PGS1: variants seen among roughly 807,000 people sequenced by gnomAD.
The protein encoded by PGS1 is CDP-diacylglycerol--glycerol-3-phosphate 3-phosphatidyltransferase, mitochondrial.
PGS1 carries 44 observed loss-of-function variants against 58.3 expected under a neutral mutation model. The ratio of observed to expected loss-of-function variants is 0.75; its 90% CI spans 0.59 to 0.97. PGS1 has a LOEUF of 0.97. PGS1 is among the 50% of genes least tolerant of loss of function. PGS1 has a pLI of 0.00. For missense variants in PGS1, 684 were observed against 731.1 expected, an observed-to-expected ratio of 0.94 and a Z score of 0.74; for synonymous variants, 330 against 311.0, an observed-to-expected ratio of 1.06 and a Z score of -0.64.
intron 1 of PGS1, among the ~76,000 whole-genome samples, chr17:78,389,312 A>C (rs2082641051): frequency 1.3e-5 from 2 of 151,684 alleles, no homozygotes; most frequent in African/African-American, 4.9e-5. Flanking sequence ...CAGCCTCCTG[A>C]GTAGCTGGGA....
intron 2 of PGS1, among the ~76,000 whole-genome samples, chr17:78,393,063 C>CTTT (rs772201899): frequency 7.1e-6 from 1 of 141,622 alleles, no homozygotes. Context: ...GACTTCGATT[C>CTTT]TTTTTTTTTT....
chr17:78,408,739 G>A (rs2084371511), intron 7 of PGS1, among the ~76,000 whole-genome samples: 1 of 152,206 alleles, frequency 6.6e-6, no homozygotes, highest in Non-Finnish European at 1.5e-5. Flanking sequence ...GGCTGAGTGG[G>A]CATCTGGGTT....
intron 9 of PGS1, 141 bp downstream of exon 9, chr17:78,419,816 G>T (rs2085532886): frequency 6.8e-7 from 1 of 1,460,028 alleles, no homozygotes; most frequent in East Asian, 2.6e-5. Context: ...ATCTTCAGGG[G>T]TATGGCAGCT....
intron 3 of PGS1, 27 bp downstream of exon 3, chr17:78,396,412 G>T: frequency 6.5e-7 from 1 of 1,530,368 alleles, no homozygotes; most frequent in Non-Finnish European, 9.0e-7. Flanking sequence ...GATGGTTGTG[G>T]CAGCAATAGT....
chr17:78,419,981 C>T, intron 9 of PGS1: 3 of 1,173,546 alleles, frequency 2.6e-6, no homozygotes, highest in Non-Finnish European at 2.1e-6. Flanking sequence ...CCTGAAGAAG[C>T]CCTGGGGCAA....
At chr17:78,402,510 C>T (rs2083768644) in intron 6 of PGS1, among the ~76,000 whole-genome samples, 1 of 152,024 alleles carries the variant, frequency 6.6e-6, no homozygotes, top group Non-Finnish European at 1.5e-5. Flanking sequence ...TGTGGTGGCA[C>T]GATCTCAGCT....
At chr17:78,399,689 G>A (rs2083504641) in intron 5 of PGS1, 152 bp downstream of exon 5, 7 of 729,676 alleles carry the variant, frequency 9.6e-6, no homozygotes, top group Non-Finnish European at 1.6e-5. Context: ...CCCCGACACT[G>A]TCTCTGCCAC....
intron 1 of PGS1, among the ~76,000 whole-genome samples, chr17:78,379,642 A>G (rs922850433): frequency 1.1e-4 from 16 of 152,140 alleles, no homozygotes; most frequent in Middle Eastern, 3.4e-3. Context: ...CCTGACCAAC[A>G]TGGTGAAACC....
At chr17:78,419,428 A>G in intron 8 of PGS1, 118 bp from the exon 9 acceptor site, 1 of 842,422 alleles carries the variant, frequency 1.2e-6, no homozygotes, top group Non-Finnish European at 2.0e-6. Context: ...TGGGCCAGGT[A>G]GACATGGGAA....
rs753828821 is a variant in PGS1, at chr17:78,398,307, A to C, written c.467A>C (p.Asn156Thr). ...EKSLQAKFPS[N>T]LKVSILLDFT... is the part of the protein sequence containing the mutation. ...TCACTCCAAGCAAAGTTTCCTTCAAATCTCAAGGTCTCCATTCTCTTAGAC... is the reference window on the plus strand; with the variant it reads ...TCACTCCAAGCAAAGTTTCCTTCAACTCTCAAGGTCTCCATTCTCTTAGAC... Residue 156 changes from asparagine to threonine, a missense_variant, in exon 4 of 10, where the codon AAT becomes ACT. By Grantham distance (65) the Asn-to-Thr change is moderately conservative. Coordinates refer to ENST00000262764, the MANE Select transcript of PGS1 (RefSeq NM_024419.5). 10 of 1,613,970 alleles carry C rather than the reference A, an allele frequency of 6.2e-6. No individual in the cohort carries two copies. The Admixed American group carries it at 1.3e-4, about 22-fold the overall frequency.
At chr17:78,404,274 A>G (rs1180739609) in intron 7 of PGS1, among the ~76,000 whole-genome samples, 185 bp downstream of exon 7, 1 of 129,476 alleles carries the variant, frequency 7.7e-6, no homozygotes, top group Non-Finnish European at 1.6e-5. Flanking sequence ...CATCTCCTCA[A>G]GGGAATTTTT....
At chr17:78,381,791 ACT>A (rs1243612612) in intron 1 of PGS1, among the ~76,000 whole-genome samples, 1 of 152,060 alleles carries the variant, frequency 6.6e-6, no homozygotes, top group African/African-American at 2.4e-5. Flanking sequence ...GAGACAGAGA[ACT>A]CTACTTAAAA....
chr17:78,379,678 C>G (rs1038433819), intron 1 of PGS1, among the ~76,000 whole-genome samples: 1 of 151,870 alleles, frequency 6.6e-6, no homozygotes, highest in African/African-American at 2.4e-5. Flanking sequence ...ACAAAATTAG[C>G]TGGGCATGGT....
In PGS1 at chr17:78,400,814, A is replaced by G; in HGVS notation, c.839A>G (p.Asp280Gly). The change falls in exon 6 of 10, where the codon GAC becomes GGC. Residue 280 changes from aspartate to glycine, a missense_variant. Coordinates refer to ENST00000262764, the MANE Select transcript of PGS1 (RefSeq NM_024419.5). This position sits in a 1 kb window ranked among gnomAD's most constrained non-coding sequence, Gnocchi z 4.4. ...GTGTCCCTGCAGCTGCAGGGGGACG[A>G]CACGGTGCAGGTGGTGGATGGGATG... The part of the protein sequence containing the change: ...GDVSLQLQGD[D>G]TVQVVDGMVH... The G allele has an allele frequency of 6.2e-7, 1 of 1,612,986 alleles. No individual in the cohort carries two copies. The highest frequency in any genetic ancestry group is 8.5e-7 in the Non-Finnish European group (1 of 1,179,404).
chr17:78,386,395 G>T (rs1433259795), intron 1 of PGS1, among the ~76,000 whole-genome samples: 1 of 152,176 alleles, frequency 6.6e-6, no homozygotes, highest in African/African-American at 2.4e-5. Context: ...CCAGGGTAAA[G>T]GAGTGGCCTT....
Position 78,424,122 on chromosome 17 carries a change from G to A in PGS1, c.*72G>A, listed in dbSNP as rs374179775. 61 of 1,613,158 alleles carry A rather than the reference G, an allele frequency of 3.8e-5. 1 individual carries two copies. Among genetic ancestry groups the A allele is most frequent in the African/African-American group, 2.9e-4 (22 of 74,932 alleles). On this transcript the variant is annotated 3_prime_UTR_variant, in exon 10 of 10. Transcript: ENST00000262764. ...TCAGCTCTTTCAGCCGCGCTTCAGC[G>A]ATGACTCCAGTCTGGGTGTCCCAGC...
At chr17:78,415,950 G>C (rs757102813) in intron 8 of PGS1, among the ~76,000 whole-genome samples, 1 of 152,232 alleles carries the variant, frequency 6.6e-6, no homozygotes, top group Non-Finnish European at 1.5e-5. Flanking sequence ...AGAGGCATCG[G>C]ACGGTAACTT....
At chr17:78,396,204 A>G (rs2083217685) in intron 2 of PGS1, 104 bp from the exon 3 acceptor site, 1 of 799,034 alleles carries the variant, frequency 1.3e-6, no homozygotes, top group Non-Finnish European at 2.2e-6. Context: ...GACATAGGAT[A>G]GTTCAGCTTG....
intron 1 of PGS1, among the ~76,000 whole-genome samples, chr17:78,381,222 T>G (rs2082014585): frequency 6.6e-6 from 1 of 152,170 alleles, no homozygotes; most frequent in South Asian, 2.1e-4. Context: ...CTCTTTTTTT[T>G]GTAAATTGTG....
Sources: gnomAD v4.1 joint callset for allele counts (sites outside exome capture counted in the v4.1 genomes callset) on GRCh38, gnomAD v4.1.1 for gene constraint, Gnocchi (gnomAD v3.1) non-coding constraint, MANE v1.5 for transcripts, NCBI Gene and HGNC (gene_info 2026-07-23, HGNC 2026-07-21) for gene names.